NSUN6: variants seen among roughly 807,000 people sequenced by gnomAD.
The protein encoded by NSUN6 is tRNA (cytosine(72)-C(5))-methyltransferase NSUN6.
A neutral mutation model predicts 58.0 loss-of-function variants in NSUN6; 64 were observed. The ratio of observed to expected loss-of-function variants is 1.10; its 90% CI spans 0.90 to 1.36. The LOEUF is 1.36. Ranked by LOEUF, NSUN6 falls within the 40% of genes most tolerant of loss-of-function variation. The pLI is 0.00. For missense variants in NSUN6, 701 were observed against 550.1 expected, an observed-to-expected ratio of 1.27 and a Z score of -2.74; for synonymous variants, 231 against 193.9, an observed-to-expected ratio of 1.19 and a Z score of -1.59.
At chr10:18,565,900 T>C (rs1176041819) in intron 8 of NSUN6, among the ~76,000 whole-genome samples, 1 of 150,614 alleles carries the variant, frequency 6.6e-6, no homozygotes, top group Non-Finnish European at 1.5e-5. Flanking sequence ...CTCCATTCCA[T>C]TCCGTTCTCC....
chr10:18,608,938 GATA>G lies in NSUN6; in HGVS notation c.657+904_657+906del, dbSNP rs141516578. On this transcript the variant is annotated intron_variant, in intron 6 of 10. Transcript: ENST00000377304. ...TTAGAACATCACCAATGTGCAAATA[GATA>G]ATAATAAACGTCCGTTGTTCTGTTT... Among the ~76,000 whole-genome samples, 826 of 152,286 alleles carry G rather than the reference GATA, an allele frequency of 5.4e-3. 7 individuals carry two copies. The highest frequency in any genetic ancestry group is 0.016 in the African/African-American group (671 of 41,560).
chr10:18,553,294 G>A lies in NSUN6; in HGVS notation c.923-1323C>T, dbSNP rs147560567. 2.5e-4 allele frequency among the ~76,000 whole-genome samples: 37 copies of A among 150,116 alleles called. 1 individual carries two copies. The highest frequency in any genetic ancestry group is 5.9e-4 in the African/African-American group (24 of 40,722). On this transcript the variant is annotated intron_variant, in intron 8 of 10. Transcript: ENST00000377304. ...ACCATTCCATTCTCTATTCCGTTCC[G>A]TTCTCCATTCCATGGAATGGAATGG...
At chr10:18,652,151 A>T, upstream of NSUN6, 4 of 984,962 alleles carry the variant, frequency 4.1e-6, no homozygotes, top group Non-Finnish European at 4.8e-6. Context: ...ACAGTTAGTT[A>T]TAAGGCTAAC....
At chr10:18,639,012 T>C (rs1478559202) in intron 3 of NSUN6, among the ~76,000 whole-genome samples, 2 of 150,434 alleles carry the variant, frequency 1.3e-5, no homozygotes, top group Non-Finnish European at 2.9e-5. Flanking sequence ...CCTAGCTCTT[T>C]GGGAGGCCGA....
intron 3 of NSUN6, among the ~76,000 whole-genome samples, chr10:18,634,930 C>G (rs1040403509): frequency 1.3e-5 from 2 of 152,142 alleles, no homozygotes; most frequent in African/African-American, 2.4e-5. Context: ...AGCTAAGCAG[C>G]TAGAAACTGG....
chr10:18,568,187 C>T (rs141745157), intron 8 of NSUN6, among the ~76,000 whole-genome samples: 2 of 151,014 alleles, frequency 1.3e-5, no homozygotes, highest in African/African-American at 2.4e-5. Flanking sequence ...ATTCCATTCT[C>T]CATTCCACAA....
chr10:18,587,565 T>C (rs2057209860), intron 7 of NSUN6, among the ~76,000 whole-genome samples: 1 of 151,796 alleles, frequency 6.6e-6, no homozygotes, highest in Admixed American at 6.6e-5. Context: ...ACGTGAGTGA[T>C]TTCTGCATTT....
At position 18,545,992 on chromosome 10, in the gene NSUN6, C is replaced by T. The variant is rs1244925094; in HGVS notation, c.1351G>A (p.Ala451Thr). The change falls in exon 11 of 11, where the codon GCT becomes ACT. Residue 451 changes from alanine to threonine, a missense_variant. Coordinates refer to ENST00000377304, the MANE Select transcript of NSUN6 (RefSeq NM_182543.5). ...EARREDMLRL[A>T]NKDSIGFFIA... ...AAAAAACCTATAGAGTCCTTATTAG[C>T]CAGACGCAACATGTCTTCTCTTCTG... The T allele has an allele frequency of 1.3e-6, 2 of 1,582,738 alleles. No individual in the cohort carries two copies. The highest frequency in any genetic ancestry group is 2.2e-5 in the East Asian group (1 of 44,632).
Position 18,651,373 on chromosome 10 carries a change from G to T in NSUN6, c.-170C>A. ...AATGCAGAGGTACACGCTTTCTCAA[G>T]CCTAGCCGATTAGAAGGGGCTGCCG... On this transcript the variant is annotated 5_prime_UTR_variant, in exon 1 of 11. Coordinates refer to ENST00000377304, the MANE Select transcript of NSUN6 (RefSeq NM_182543.5). The T allele has an allele frequency of 7.6e-7, 1 of 1,322,722 alleles. No homozygotes were observed. The highest frequency in any genetic ancestry group is 9.6e-7 in the Non-Finnish European group (1 of 1,041,092). 81.9% of individuals were successfully genotyped at this position (1,322,722 alleles called of 1,614,324 possible). A position where few individuals can be genotyped will look rare whatever the true frequency, so the allele number is the denominator to read the frequency against.
intron 8 of NSUN6, among the ~76,000 whole-genome samples, chr10:18,556,102 G>C (rs147280983): frequency 4.1e-4 from 62 of 150,476 alleles, no homozygotes; most frequent in African/African-American, 1.1e-3. Flanking sequence ...GAATGGAATG[G>C]AGAATAGAAT....
intron 8 of NSUN6, among the ~76,000 whole-genome samples, chr10:18,578,555 C>T (rs2056768553): frequency 6.6e-6 from 1 of 152,144 alleles, no homozygotes; most frequent in African/African-American, 2.4e-5. Flanking sequence ...CTAGGTTGCC[C>T]CAGGGCTCTC....
At chr10:18,571,623 C>T (rs2056369609) in intron 8 of NSUN6, among the ~76,000 whole-genome samples, 1 of 144,878 alleles carries the variant, frequency 6.9e-6, no homozygotes, top group Non-Finnish European at 1.6e-5. Context: ...TCTCCCATTC[C>T]ATTCCATTCT....
chr10:18,625,667 C>T (rs927485344), intron 3 of NSUN6, among the ~76,000 whole-genome samples: 7 of 135,194 alleles, frequency 5.2e-5, no homozygotes, highest in African/African-American at 1.9e-4. Context: ...GAGCCGAGAT[C>T]GCGCCACTGC....
chr10:18,625,722 A>ATTT (rs2058773995), intron 3 of NSUN6, among the ~76,000 whole-genome samples: 10 of 66,158 alleles, frequency 1.5e-4, no homozygotes, highest in African/African-American at 3.4e-4. Context: ...TTTTTTTTTA[A>ATTT]AAAAAAAAAA....
At chr10:18,609,100 C>T (rs1351098228) in intron 6 of NSUN6, among the ~76,000 whole-genome samples, 1 of 151,960 alleles carries the variant, frequency 6.6e-6, no homozygotes, top group Non-Finnish European at 1.5e-5. Flanking sequence ...CTTGAGGCCA[C>T]GAGTTTGAGA....
intron 8 of NSUN6, among the ~76,000 whole-genome samples, chr10:18,556,966 G>A (rs1380581883): frequency 6.6e-6 from 1 of 151,120 alleles, no homozygotes; most frequent in Non-Finnish European, 1.5e-5. Context: ...ATGGAGAATG[G>A]AAGGGAATGG....
chr10:18,601,662 A>C (rs1349687658), intron 6 of NSUN6, among the ~76,000 whole-genome samples: 4 of 152,184 alleles, frequency 2.6e-5, no homozygotes, highest in Non-Finnish European at 4.4e-5. Flanking sequence ...AACCAGCTGG[A>C]TTAGCAGTTC....
chr10:18,556,200 T>C lies in NSUN6; in HGVS notation c.923-4229A>G, dbSNP rs532755055. On this transcript the variant is annotated intron_variant, in intron 8 of 10. Transcript: ENST00000377304. Reference sequence around the variant, plus strand: ...ATGCAGAGTGGAATGGAATGAAGAATGAAGAATGGAATAGAATGCAATGGG... The same window carrying C: ...ATGCAGAGTGGAATGGAATGAAGAACGAAGAATGGAATAGAATGCAATGGG... Among the ~76,000 whole-genome samples, 7 of 144,624 alleles carry C rather than the reference T, an allele frequency of 4.8e-5. No homozygotes were observed. The East Asian group carries it at 1.5e-3, about 31-fold the overall frequency. 94.9% of individuals were successfully genotyped at this position (144,624 alleles called of 152,430 possible). A position where few individuals can be genotyped will look rare whatever the true frequency, so the allele number is the denominator to read the frequency against.
At chr10:18,591,956 T>A (rs575665348) in intron 7 of NSUN6, among the ~76,000 whole-genome samples, 1 of 152,266 alleles carries the variant, frequency 6.6e-6, no homozygotes, top group East Asian at 1.9e-4. Context: ...CATGACTGTA[T>A]ATGTAGAAAA....
Sources: allele counts gnomAD v4.1 joint callset (sites outside exome capture counted in the v4.1 genomes callset), GRCh38; gene constraint gnomAD v4.1.1; transcripts MANE v1.5; gene names NCBI Gene and HGNC (gene_info 2026-07-23, HGNC 2026-07-21).